Variants in DCP1A observed in about 807,000 individuals in gnomAD.
The protein encoded by DCP1A is mRNA-decapping enzyme 1A.
Under a neutral mutation model 58.0 loss-of-function variants are expected in DCP1A, and 20 were observed. The ratio of observed to expected loss-of-function variants is 0.34; its 90% CI spans 0.24 to 0.50. The LOEUF (loss-of-function observed/expected upper bound fraction) is 0.50. Ranked by LOEUF, DCP1A falls within the 20% of genes least tolerant of loss-of-function variation. The pLI, the probability that DCP1A is intolerant of heterozygous loss-of-function variation, is 0.98. For missense variants in DCP1A, 613 were observed against 712.2 expected (o/e 0.86, Z 1.59); for synonymous variants, 285 against 275.1 (o/e 1.04, Z -0.36).
chr3:53,321,341 T>C (rs1199053167), intron 3 of DCP1A, among the ~76,000 whole-genome samples: 1 of 152,198 alleles, frequency 6.6e-6, no homozygotes, highest in African/African-American at 2.4e-5. Context: ...TTTTGCATTT[T>C]TATGGATGGG....
At position 53,291,701 on chromosome 3, in the gene DCP1A, G is replaced by A. The variant is rs1022434132; in HGVS notation, c.1383+368C>T. The stretch of plus-strand genomic sequence containing the variant: ...ATTTGACCTCATACCTTCGAGTCTA[G>A]GATGCTCTTATGGCACCTCTAGGGT... On this transcript the variant is annotated intron_variant, in intron 7 of 9. Transcript: ENST00000610213. Among the ~76,000 whole-genome samples the A allele has an allele frequency of 4.6e-5, 7 of 152,088 alleles. No homozygotes were observed. The South Asian group carries it at 1.5e-3, about 32-fold the overall frequency.
chr3:53,308,099 G>C (rs991195713), intron 5 of DCP1A, among the ~76,000 whole-genome samples: 1 of 151,620 alleles, frequency 6.6e-6, no homozygotes, highest in Non-Finnish European at 1.5e-5. Flanking sequence ...ATTTTTGCAA[G>C]GATACGTAAC....
chr3:53,319,120 G>A (rs1707890890), intron 4 of DCP1A, among the ~76,000 whole-genome samples: 1 of 152,070 alleles, frequency 6.6e-6, no homozygotes, highest in Non-Finnish European at 1.5e-5. Flanking sequence ...ATGAAAAGCA[G>A]TATACATACA....
At chr3:53,312,601 T>C (rs1225868158) in intron 4 of DCP1A, among the ~76,000 whole-genome samples, 1 of 149,434 alleles carries the variant, frequency 6.7e-6, no homozygotes, top group Non-Finnish European at 1.5e-5. Flanking sequence ...GTTCACACCA[T>C]CCTCCTGCCT....
At chr3:53,300,751 G>C (rs1707287066) in intron 6 of DCP1A, among the ~76,000 whole-genome samples, 1 of 152,012 alleles carries the variant, frequency 6.6e-6, no homozygotes, top group South Asian at 2.1e-4. Flanking sequence ...GGTTTCAAGT[G>C]ATCCTCCCAC....
intron 4 of DCP1A, 113 bp from the exon 5 acceptor site, chr3:53,312,492 C>CTT: frequency 1.1e-5 from 7 of 640,100 alleles, no homozygotes; most frequent in Non-Finnish European, 1.6e-5. Context: ...TGATGACATT[C>CTT]TTCTTTTTTT....
chr3:53,312,203 C>A, intron 5 of DCP1A, 38 bp downstream of exon 5: 1 of 1,525,048 alleles, frequency 6.6e-7, no homozygotes, highest in South Asian at 1.3e-5. Context: ...CCGTTTTGGT[C>A]TTCCCTGGTC....
At chr3:53,341,892 G>T (rs1323497058) in intron 3 of DCP1A, among the ~76,000 whole-genome samples, 1 of 151,992 alleles carries the variant, frequency 6.6e-6, no homozygotes, top group African/African-American at 2.4e-5. Context: ...GGCCTGGCTG[G>T]TCTCGAACTC....
Position 53,292,197 on chromosome 3 carries a change from C to G in DCP1A, c.1255G>C (p.Ala419Pro). ...TQPLGKGAMV[A>P]SFSPAAGQLA... ...TGACCAGCTGCCGGAGAAAAGCTGG[C>G]TACCATTGCACCTTTCCCAAGTGGT... The change falls in exon 7 of 10, where the codon GCC becomes CCC. Residue 419 changes from alanine (A) to proline (P), a missense_variant. Physicochemically the swap from Ala to Pro is conservative, Grantham distance 27. Around this residue, in one of 3 missense-constraint regions of DCP1A, gnomAD observed 498 missense variants for 556.7 expected, o/e 0.89. Coordinates refer to ENST00000610213, the MANE Select transcript of DCP1A (RefSeq NM_018403.7). 1 of 1,614,006 alleles carries G rather than the reference C, an allele frequency of 6.2e-7. No homozygotes were observed. Among genetic ancestry groups the G allele is most frequent in the Non-Finnish European group, 8.5e-7 (1 of 1,179,902 alleles).
intron 5 of DCP1A, among the ~76,000 whole-genome samples, chr3:53,306,553 C>CA (rs1559688900): frequency 6.6e-6 from 1 of 151,204 alleles, no homozygotes; most frequent in Non-Finnish European, 1.5e-5. Flanking sequence ...CCCATCTCTA[C>CA]AAAAAATAAA....
intron 6 of DCP1A, among the ~76,000 whole-genome samples, chr3:53,298,856 T>TA (rs1214291742): frequency 6.6e-6 from 1 of 152,216 alleles, no homozygotes; most frequent in Non-Finnish European, 1.5e-5. Context: ...AAGAATATAA[T>TA]ATTGTGTTTT....
chr3:53,347,209 A>G (rs989756878), intron 1 of DCP1A, among the ~76,000 whole-genome samples, 174 bp downstream of exon 1: 5 of 151,384 alleles, frequency 3.3e-5, no homozygotes, highest in African/African-American at 1.2e-4. Context: ...CTATCCCCCA[A>G]TCCCAAGCGG....
chr3:53,307,169 G>A (rs1707501727), intron 5 of DCP1A, among the ~76,000 whole-genome samples: 1 of 151,900 alleles, frequency 6.6e-6, no homozygotes, highest in African/African-American at 2.4e-5. Context: ...GGCTGGTCTT[G>A]AACTCCTGAC....
chr3:53,324,484 C>A (rs1708058126), intron 3 of DCP1A, among the ~76,000 whole-genome samples: 2 of 152,234 alleles, frequency 1.3e-5, no homozygotes, highest in South Asian at 4.1e-4. Context: ...AACTTACACT[C>A]TAAGGCCCAA....
intron 5 of DCP1A, among the ~76,000 whole-genome samples, chr3:53,309,369 C>CAA (rs79989110): frequency 1.6e-4 from 15 of 94,714 alleles, no homozygotes; most frequent in African/African-American, 5.4e-4. Flanking sequence ...GACTCCATCT[C>CAA]AAAAAAAAAA....
chr3:53,347,304 C>CT (rs1478278057), intron 1 of DCP1A, 79 bp downstream of exon 1: 2 of 1,405,150 alleles, frequency 1.4e-6, no homozygotes, highest in East Asian at 5.6e-5. Context: ...TGTGCCCCCC[C>CT]ACCCCACAGT....
chr3:53,301,855 A>G (rs1707321481), intron 6 of DCP1A, among the ~76,000 whole-genome samples: 1 of 152,226 alleles, frequency 6.6e-6, no homozygotes, highest in Non-Finnish European at 1.5e-5. Context: ...GACAATCTCA[A>G]GAGGTTATAT....
At position 53,288,168 on chromosome 3, in the gene DCP1A, C is replaced by G; in HGVS notation, c.1565G>C (p.Ser522Thr). ...TRSSDLERKA[S>T]SPSPLTIGTP... is the part of the protein sequence containing the mutation. ...TCCAATAGTTAGAGGAGAAGGGGAG[C>G]TGGCTTTCCTCTCAAGGTCCGAAGA... is the stretch of plus-strand genomic sequence containing the variant. The change falls in exon 9 of 10, where the codon AGC becomes ACC. Residue 522 changes from serine to threonine, a missense_variant. Coordinates refer to ENST00000610213, the MANE Select transcript of DCP1A (RefSeq NM_018403.7). 1 of 1,614,040 alleles carries G rather than the reference C, an allele frequency of 6.2e-7. No individual in the cohort carries two copies. The highest frequency in any genetic ancestry group is 8.5e-7 in the Non-Finnish European group (1 of 1,179,894).
chr3:53,320,848 T>A (rs1475921846), intron 3 of DCP1A, among the ~76,000 whole-genome samples: 1 of 152,216 alleles, frequency 6.6e-6, no homozygotes, highest in Non-Finnish European at 1.5e-5. Flanking sequence ...ATTTCAAGAG[T>A]ATTATATTAC....
Sources: allele counts gnomAD v4.1 joint callset (sites outside exome capture counted in the v4.1 genomes callset), GRCh38; gene constraint gnomAD v4.1.1; regional missense constraint gnomAD v4.1.1; transcripts MANE v1.5; gene names NCBI Gene and HGNC (gene_info 2026-07-23, HGNC 2026-07-21).